CDH13: variants seen among roughly 807,000 people sequenced by gnomAD.
CDH13 encodes the protein cadherin-13.
CDH13 carries 24 observed loss-of-function variants against 63.8 expected under a neutral mutation model. That is an observed-to-expected ratio of 0.38 (90% CI 0.27 to 0.53). The LOEUF (loss-of-function observed/expected upper bound fraction) is 0.53, where lower values mean the gene tolerates loss of function less well. Ranked by LOEUF, CDH13 falls within the 20% of genes least tolerant of loss-of-function variation. The pLI is 0.85. For synonymous variants in CDH13, 503 were observed against 355.3 expected (o/e 1.42, Z -4.67); for missense variants, 1,049 against 903.1 (o/e 1.16, Z -2.07).
intron 6 of CDH13, among the ~76,000 whole-genome samples, chr16:83,412,656 T>A (rs935266632): frequency 5.3e-5 from 8 of 152,114 alleles, no homozygotes; most frequent in African/African-American, 1.7e-4. Context: ...GCACATCAAC[T>A]CCTTGCAGGT....
At chr16:82,790,463 T>G (rs143807301) in intron 1 of CDH13, among the ~76,000 whole-genome samples, 72 of 152,190 alleles carry the variant, frequency 4.7e-4, no homozygotes, top group Non-Finnish European at 4.4e-4. Context: ...AATTGCTAAT[T>G]ATGCTGATTA....
chr16:83,508,993 A>T (rs2074491989), intron 7 of CDH13, among the ~76,000 whole-genome samples: 1 of 152,186 alleles, frequency 6.6e-6, no homozygotes, highest in Non-Finnish European at 1.5e-5. Flanking sequence ...CTCTGTGTGC[A>T]TGAGTGCCTG....
intron 3 of CDH13, among the ~76,000 whole-genome samples, chr16:83,091,455 A>G (rs1385066114): frequency 6.6e-6 from 1 of 152,180 alleles, no homozygotes; most frequent in African/African-American, 2.4e-5. Flanking sequence ...CTCCCTAAAT[A>G]CATTTTATGT....
At chr16:83,148,317 A>T (rs768066511) in intron 4 of CDH13, among the ~76,000 whole-genome samples, 2 of 147,522 alleles carry the variant, frequency 1.4e-5, no homozygotes, top group Non-Finnish European at 2.9e-5. Context: ...CCATGTAGAC[A>T]ACATGTAGAC....
At chr16:83,150,298 C>T (rs894850166) in intron 4 of CDH13, among the ~76,000 whole-genome samples, 1 of 151,732 alleles carries the variant, frequency 6.6e-6, no homozygotes, top group Non-Finnish European at 1.5e-5. Context: ...ATCCCTAATT[C>T]TCTCTCTCTC....
chr16:83,224,301 C>A (rs2151796187), intron 5 of CDH13, among the ~76,000 whole-genome samples: 1 of 152,346 alleles, frequency 6.6e-6, no homozygotes, highest in South Asian at 2.1e-4. Flanking sequence ...GCGAATTGAG[C>A]TGCTATAAAC....
chr16:83,736,750 G>A (rs924828206), intron 10 of CDH13, among the ~76,000 whole-genome samples: 3 of 152,296 alleles, frequency 2.0e-5, no homozygotes, highest in East Asian at 3.9e-4. Context: ...GGAAGAGCCC[G>A]GCCACAGCAA....
intron 3 of CDH13, among the ~76,000 whole-genome samples, chr16:83,087,005 C>T (rs6565116): frequency 0.51 from 76,912 of 151,944 alleles, 19,664 homozygotes; most frequent in Middle Eastern, 0.61. Context: ...AATACACAAC[C>T]GCAAAACTGG....
intron 7 of CDH13, among the ~76,000 whole-genome samples, chr16:83,574,763 T>G (rs929723825): frequency 1.3e-5 from 2 of 152,116 alleles, no homozygotes; most frequent in Admixed American, 6.5e-5. Flanking sequence ...AACAACAACT[T>G]TCTATGAAAC....
intron 10 of CDH13, among the ~76,000 whole-genome samples, chr16:83,729,251 T>C (rs528067529): frequency 2.6e-5 from 4 of 152,166 alleles, no homozygotes; most frequent in Admixed American, 6.5e-5. Flanking sequence ...TACTGTTACA[T>C]ATCATAGATA....
At chr16:83,502,763 C>G (rs532802665) in intron 7 of CDH13, among the ~76,000 whole-genome samples, 8 of 152,258 alleles carry the variant, frequency 5.3e-5, no homozygotes, top group African/African-American at 7.2e-5. Flanking sequence ...AGCTCTTGAC[C>G]AATAGTAGCT....
At chr16:82,925,766 C>G (rs185823945) in intron 2 of CDH13, among the ~76,000 whole-genome samples, 3 of 152,278 alleles carry the variant, frequency 2.0e-5, no homozygotes, top group African/African-American at 4.8e-5. Context: ...GCTCTCGCAC[C>G]CTCTCTGCCC....
intron 2 of CDH13, among the ~76,000 whole-genome samples, chr16:82,914,296 TC>T (rs2041919005): frequency 6.6e-6 from 1 of 152,180 alleles, no homozygotes; most frequent in Non-Finnish European, 1.5e-5. Context: ...TAACTGTGTG[TC>T]CTATAAACTA....
At chr16:83,551,164 C>T (rs1053774753) in intron 7 of CDH13, among the ~76,000 whole-genome samples, 1 of 152,110 alleles carries the variant, frequency 6.6e-6, no homozygotes, top group African/African-American at 2.4e-5. Context: ...TCCCTGCAAA[C>T]TCCGCCTCCC....
chr16:82,836,751 C>T (rs979089331), intron 1 of CDH13, among the ~76,000 whole-genome samples: 1 of 152,178 alleles, frequency 6.6e-6, no homozygotes, highest in Non-Finnish European at 1.5e-5. Context: ...AAAGGCTCTA[C>T]CCCAACTCAT....
At chr16:83,313,979 A>G (rs1034566836) in intron 5 of CDH13, among the ~76,000 whole-genome samples, 1 of 152,166 alleles carries the variant, frequency 6.6e-6, no homozygotes, top group Non-Finnish European at 1.5e-5. Flanking sequence ...GATGGAATGT[A>G]TTTTCCAGCA....
At chr16:83,400,858 T>A (rs945143534) in intron 6 of CDH13, among the ~76,000 whole-genome samples, 1 of 152,134 alleles carries the variant, frequency 6.6e-6, no homozygotes, top group African/African-American at 2.4e-5. Flanking sequence ...TACTTTAAAA[T>A]TCGGTCCTGT....
chr16:83,597,221 TCACA>T (rs3052814), intron 7 of CDH13, among the ~76,000 whole-genome samples: 1 of 148,096 alleles, frequency 6.8e-6, no homozygotes, highest in Non-Finnish European at 1.5e-5. Flanking sequence ...AGACCCTGAC[TCACA>T]CACACACACA....
chr16:83,001,373 C>A (rs998750600), intron 2 of CDH13, among the ~76,000 whole-genome samples: 1 of 152,206 alleles, frequency 6.6e-6, no homozygotes, highest in East Asian at 1.9e-4. Context: ...ATTGTGCATT[C>A]AAGTGAGGGT....
Sources: gnomAD v4.1 joint callset for allele counts (sites outside exome capture counted in the v4.1 genomes callset) on GRCh38, gnomAD v4.1.1 for gene constraint, MANE v1.5 for transcripts, NCBI Gene and HGNC (gene_info 2026-07-23, HGNC 2026-07-21) for gene names.